STXBP5L: variants seen among roughly 807,000 people sequenced by gnomAD.
STXBP5L encodes syntaxin-binding protein 5-like.
A neutral mutation model predicts 144.5 loss-of-function variants in STXBP5L; 65 were observed. The ratio of observed to expected loss-of-function variants is 0.45; its 90% confidence interval spans 0.37 to 0.55. The LOEUF (loss-of-function observed/expected upper bound fraction) is 0.55, where lower values mean the gene tolerates loss of function less well. STXBP5L is among the 20% of genes least tolerant of loss of function. STXBP5L has a pLI of 0.00. For missense variants in STXBP5L, 1,298 were observed against 1,405.5 expected (o/e 0.92, Z 1.22); for synonymous variants, 505 against 469.6 (o/e 1.08, Z -0.97).
At chr3:121,169,789 A>G (rs546900046) in intron 9 of STXBP5L, among the ~76,000 whole-genome samples, 1 of 152,328 alleles carries the variant, frequency 6.6e-6, no homozygotes, top group South Asian at 2.1e-4. Flanking sequence ...CAGATCCATG[A>G]GACAGAAAAT....
chr3:121,300,574 A>G (rs1036127124), intron 19 of STXBP5L, among the ~76,000 whole-genome samples: 11 of 152,150 alleles, frequency 7.2e-5, no homozygotes, highest in African/African-American at 2.2e-4. Context: ...ATGCACTGTA[A>G]TGAATCTAAC....
In STXBP5L at chr3:121,418,537, T is replaced by C. The variant is rs2047292861; in HGVS notation, c.3427T>C (p.Phe1143Leu). The C allele has an allele frequency of 6.2e-7, 1 of 1,613,808 alleles. No homozygotes were observed. The highest frequency in any genetic ancestry group is 8.5e-7 in the Non-Finnish European group (1 of 1,179,926). ...AGGCATGATGACCAGTGCAGAAGCA[T>C]TTTCCAAACATGCACATGAGGTAAA... ...TAGMMTSAEAFSKHAHELMLK... is the reference protein window; with the variant it reads ...TAGMMTSAEALSKHAHELMLK... Residue 1143 changes from phenylalanine to leucine, a missense_variant, in exon 26 of 27, where the codon TTT (phenylalanine) becomes CTT (leucine). By Grantham distance (22) the Phe-to-Leu change is conservative (BLOSUM62 0). Transcript: ENST00000471454.
chr3:121,257,668 T>C (rs1193672011), intron 17 of STXBP5L, among the ~76,000 whole-genome samples: 1 of 152,214 alleles, frequency 6.6e-6, no homozygotes, highest in African/African-American at 2.4e-5. Context: ...CTCACGCCTG[T>C]ATTCCCAACA....
At chr3:121,053,968 C>T (rs979328498) in intron 5 of STXBP5L, among the ~76,000 whole-genome samples, 4 of 152,202 alleles carry the variant, frequency 2.6e-5, no homozygotes, top group South Asian at 2.1e-4. Flanking sequence ...GACATTTATG[C>T]AGCCAAAAGA....
At chr3:121,131,889 G>A (rs1380541184) in intron 7 of STXBP5L, among the ~76,000 whole-genome samples, 2 of 152,118 alleles carry the variant, frequency 1.3e-5, no homozygotes, top group African/African-American at 4.8e-5. Flanking sequence ...CTGAACCCCA[G>A]GAGAACATGA....
At chr3:121,285,852 G>A (rs2051213874) in intron 19 of STXBP5L, among the ~76,000 whole-genome samples, 1 of 151,666 alleles carries the variant, frequency 6.6e-6, no homozygotes, top group African/African-American at 2.4e-5. Flanking sequence ...CTGGGTTAAT[G>A]TTAATAAAAG....
chr3:120,974,210 C>T (rs1023136018), intron 3 of STXBP5L, among the ~76,000 whole-genome samples: 2 of 152,022 alleles, frequency 1.3e-5, no homozygotes, highest in Non-Finnish European at 2.9e-5. Context: ...CCTGTTGTTT[C>T]CTGACTTTTT....
chr3:120,974,485 TC>T (rs1234799096), intron 3 of STXBP5L, among the ~76,000 whole-genome samples: 2 of 149,746 alleles, frequency 1.3e-5, no homozygotes, highest in Non-Finnish European at 2.9e-5. Context: ...TCTCCCATGC[TC>T]TAGGTTGCCT....
intron 23 of STXBP5L, among the ~76,000 whole-genome samples, chr3:121,410,514 A>G (rs1186504579): frequency 6.6e-6 from 1 of 152,074 alleles, no homozygotes; most frequent in Non-Finnish European, 1.5e-5. Context: ...TCATTTTCCC[A>G]TACTGAGTAT....
chr3:120,946,561 A>G (rs1710867112), intron 2 of STXBP5L, among the ~76,000 whole-genome samples: 2 of 151,700 alleles, frequency 1.3e-5, no homozygotes, highest in East Asian at 1.9e-4. Flanking sequence ...TTCTATTAGT[A>G]TAGAAGGGAA....
At position 121,151,181 on chromosome 3, in the gene STXBP5L, T is replaced by C. The variant is rs201979337; in HGVS notation, c.670-1296T>C. ...AAAATCAATTTGAAGTTAAAACATA[T>C]CTTAGTACACTTAGTACAGTCATAT... On this transcript the variant is annotated intron_variant, in intron 7 of 26. Transcript: ENST00000471454. Among the ~76,000 whole-genome samples, 11 of 152,216 alleles carry C rather than the reference T, an allele frequency of 7.2e-5. No homozygotes were observed. In the East Asian group the frequency reaches 1.9e-3, roughly 27 times the overall value.
chr3:120,984,874 A>G (rs551171978), intron 3 of STXBP5L, among the ~76,000 whole-genome samples: 84 of 151,964 alleles, frequency 5.5e-4, no homozygotes, highest in Middle Eastern at 3.4e-3. Flanking sequence ...TTATTATAAA[A>G]TGGTGTTGAA....
intron 5 of STXBP5L, among the ~76,000 whole-genome samples, chr3:121,050,158 C>A (rs531891668): frequency 6.6e-6 from 1 of 152,268 alleles, no homozygotes; most frequent in East Asian, 1.9e-4. Flanking sequence ...GAGCTAGTGT[C>A]CATTCACCAC....
At chr3:121,257,685 G>A (rs531176461) in intron 17 of STXBP5L, among the ~76,000 whole-genome samples, 2 of 152,316 alleles carry the variant, frequency 1.3e-5, no homozygotes, top group Admixed American at 1.3e-4. Flanking sequence ...AACACTTTGG[G>A]AGGCTGAGGT....
chr3:121,066,362 G>GCATA (rs2041542783), intron 5 of STXBP5L, among the ~76,000 whole-genome samples: 1 of 146,136 alleles, frequency 6.8e-6, no homozygotes, highest in South Asian at 2.2e-4. Flanking sequence ...TCCTATAAGC[G>GCATA]TATATATATA....
intron 18 of STXBP5L, among the ~76,000 whole-genome samples, chr3:121,267,244 AG>A (rs2050595230): frequency 6.6e-6 from 1 of 152,200 alleles, no homozygotes; most frequent in Admixed American, 6.5e-5. Context: ...CCAAGTTCTC[AG>A]AAATAACACC....
chr3:121,094,425 C>T (rs958716148), intron 5 of STXBP5L, among the ~76,000 whole-genome samples: 20 of 152,016 alleles, frequency 1.3e-4, no homozygotes, highest in Non-Finnish European at 2.6e-4. Flanking sequence ...TTATAGGTCA[C>T]TCAGGACTTG....
chr3:121,123,389 A>G (rs1198439306), intron 7 of STXBP5L, among the ~76,000 whole-genome samples: 1 of 151,640 alleles, frequency 6.6e-6, no homozygotes, highest in Non-Finnish European at 1.5e-5. Context: ...AATAGTCTAA[A>G]TGTCTCTTAA....
At chr3:121,005,867 T>A (rs1359905753) in intron 3 of STXBP5L, among the ~76,000 whole-genome samples, 1 of 152,148 alleles carries the variant, frequency 6.6e-6, no homozygotes, top group Non-Finnish European at 1.5e-5. Flanking sequence ...TGGTTTTGAG[T>A]GAGTTTCTTA....
Sources: gnomAD v4.1 joint callset for allele counts (sites outside exome capture counted in the v4.1 genomes callset) on GRCh38, gnomAD v4.1.1 for gene constraint, MANE v1.5 for transcripts, NCBI Gene and HGNC (gene_info 2026-07-23, HGNC 2026-07-21) for gene names.